KALRN: variants seen among roughly 807,000 people sequenced by gnomAD.
KALRN encodes the protein kalirin RhoGEF kinase.
In KALRN, 70 loss-of-function variants were observed where a neutral mutation model predicts 353.7. That is an observed-to-expected ratio of 0.20 (90% CI 0.16 to 0.24). The LOEUF (loss-of-function observed/expected upper bound fraction) is 0.24, where lower values mean the gene tolerates loss of function less well. Among genes scored for constraint, KALRN ranks in the 10% least tolerant of loss-of-function variants. KALRN has a pLI of 1.00. For missense variants in KALRN, 2,791 were observed against 3,756.7 expected, an observed-to-expected ratio of 0.74 and a Z score of 6.72; for synonymous variants, 1,391 against 1,434.8, an observed-to-expected ratio of 0.97 and a Z score of 0.69.
In KALRN at chr3:124,144,770, TC is replaced by T. The variant is rs1330857384; in HGVS notation, c.74-83219del. On this transcript the variant is annotated intron_variant, in intron 1 of 59. Transcript: ENST00000682506. ...ACAGCAGCATCCATTTACTAGACTT[TC>T]ATAAACGAGTCACTTTTTACAGTGT... is the stretch of plus-strand genomic sequence containing the variant. 1.1e-3 allele frequency among the ~76,000 whole-genome samples: 166 copies of T among 152,236 alleles called. 1 individual carries two copies. Among genetic ancestry groups the T allele is most frequent in the Non-Finnish European group, 1.6e-3 (112 of 68,018 alleles).
chr3:124,708,463 A>G (rs1031228427), intron 57 of KALRN, among the ~76,000 whole-genome samples: 19 of 152,234 alleles, frequency 1.2e-4, no homozygotes, highest in African/African-American at 4.6e-4. Context: ...AAATTGCATA[A>G]CAAAAAATAC....
chr3:124,431,312 C>T (rs2093265182), intron 16 of KALRN, among the ~76,000 whole-genome samples: 1 of 152,160 alleles, frequency 6.6e-6, no homozygotes, highest in Non-Finnish European at 1.5e-5. Flanking sequence ...AGCAGTTGTT[C>T]AATAATGCTG....
chr3:124,561,871 A>G (rs2072071666), intron 33 of KALRN, among the ~76,000 whole-genome samples: 1 of 152,188 alleles, frequency 6.6e-6, no homozygotes, highest in Non-Finnish European at 1.5e-5. Flanking sequence ...ACTTAGTTCT[A>G]TGAGACAAAC....
chr3:124,449,526 A>C (rs1258866231), intron 21 of KALRN, among the ~76,000 whole-genome samples: 1 of 152,172 alleles, frequency 6.6e-6, no homozygotes, highest in African/African-American at 2.4e-5. Context: ...CATTTGAAAG[A>C]ACTCCATTTC....
At chr3:124,309,742 A>C (rs929931613) in intron 6 of KALRN, among the ~76,000 whole-genome samples, 26 of 152,194 alleles carry the variant, frequency 1.7e-4, no homozygotes, top group Non-Finnish European at 3.4e-4. Context: ...ACACCTATTC[A>C]TAATAAAAAT....
At chr3:124,711,001 T>C (rs13097438) in intron 57 of KALRN, among the ~76,000 whole-genome samples, 26,487 of 152,186 alleles carry the variant, frequency 0.17, 2,604 homozygotes, top group Middle Eastern at 0.28. Flanking sequence ...AAGTAACTTA[T>C]GATAATCAAA....
chr3:124,585,146 TG>T (rs1306068773), intron 34 of KALRN, among the ~76,000 whole-genome samples: 1 of 152,198 alleles, frequency 6.6e-6, no homozygotes, highest in African/African-American at 2.4e-5. Context: ...AGCTGCTGTT[TG>T]GGAACTCAGT....
At chr3:124,341,531 T>G (rs2081714898) in intron 9 of KALRN, among the ~76,000 whole-genome samples, 1 of 152,220 alleles carries the variant, frequency 6.6e-6, no homozygotes, top group African/African-American at 2.4e-5. Context: ...ACTAACTACC[T>G]GCCAAGTGGG....
At chr3:124,557,781 G>A (rs1436657435) in intron 33 of KALRN, among the ~76,000 whole-genome samples, 1 of 152,160 alleles carries the variant, frequency 6.6e-6, no homozygotes, top group Non-Finnish European at 1.5e-5. Context: ...GCGCTCTTGG[G>A]CACAGCTCCC....
intron 37 of KALRN, among the ~76,000 whole-genome samples, chr3:124,647,347 G>A (rs951936272): frequency 1.3e-5 from 2 of 152,086 alleles, no homozygotes; most frequent in East Asian, 3.9e-4. Context: ...ACAGTTACTT[G>A]CCACCCTCCT....
chr3:124,633,267 A>G (rs2080979859), intron 35 of KALRN, among the ~76,000 whole-genome samples: 1 of 152,258 alleles, frequency 6.6e-6, no homozygotes, highest in South Asian at 2.1e-4. Context: ...ATGAACGCCC[A>G]TACTGGAAGG....
intron 6 of KALRN, among the ~76,000 whole-genome samples, chr3:124,300,643 C>T (rs545408346): frequency 3.0e-4 from 45 of 152,340 alleles, no homozygotes; most frequent in African/African-American, 4.8e-4. Context: ...AGTCCTATCA[C>T]GTGCTGGGAA....
chr3:124,633,995 G>A (rs775651616), intron 36 of KALRN, 42 bp downstream of exon 36: 12 of 1,521,288 alleles, frequency 7.9e-6, no homozygotes, highest in South Asian at 4.6e-5. Flanking sequence ...GCAACGTGCC[G>A]TGCGTGATTT....
chr3:124,365,870 G>T (rs1314235589), intron 10 of KALRN, among the ~76,000 whole-genome samples: 2 of 152,186 alleles, frequency 1.3e-5, no homozygotes, highest in African/African-American at 4.8e-5. Context: ...TGCCACTTCA[G>T]ACATAGGCTC....
chr3:124,163,747 G>T (rs1288088317), intron 1 of KALRN: 2 of 985,266 alleles, frequency 2.0e-6, no homozygotes, highest in East Asian at 1.1e-4. Flanking sequence ...CTACAGGCTT[G>T]CTCTGAGCCA....
intron 5 of KALRN, among the ~76,000 whole-genome samples, chr3:124,282,379 CTTTTTTTTTT>C (rs34148546): frequency 4.5e-5 from 6 of 134,808 alleles, no homozygotes; most frequent in African/African-American, 1.6e-4. Context: ...CTACATTTTT[CTTTTTTTTTT>C]TTTTTTGAGA....
chr3:124,556,156 AAG>A (rs532086629), intron 33 of KALRN, among the ~76,000 whole-genome samples: 37 of 152,254 alleles, frequency 2.4e-4, no homozygotes, highest in African/African-American at 7.5e-4. Flanking sequence ...TGCAATTCAC[AAG>A]ACCTGCAAGA....
chr3:124,518,125 A>G (rs948423142), intron 33 of KALRN, among the ~76,000 whole-genome samples: 9 of 152,200 alleles, frequency 5.9e-5, no homozygotes, highest in African/African-American at 2.2e-4. Context: ...CCAAGTTAGT[A>G]AAAGTGGTTC....
In KALRN at chr3:124,561,941, C is replaced by G. The variant is rs188903394; in HGVS notation, c.4936-902C>G. Among the ~76,000 whole-genome samples the G allele has an allele frequency of 2.0e-5, 3 of 152,178 alleles. No individual in the cohort carries two copies. The South Asian group carries it at 6.2e-4, about 32-fold the overall frequency. ...CCAGAAGAAAGGGGGGAAGTGGGGC[C>G]AAATCCCCAAGGTGAAAAAGTGAGA... On this transcript the variant is annotated intron_variant, in intron 33 of 59. Coordinates refer to ENST00000682506, the MANE Select transcript of KALRN (RefSeq NM_001388419.1).
Sources: allele counts gnomAD v4.1 joint callset (sites outside exome capture counted in the v4.1 genomes callset), GRCh38; gene constraint gnomAD v4.1.1; transcripts MANE v1.5; gene names NCBI Gene and HGNC (gene_info 2026-07-23, HGNC 2026-07-21).